PEAK1: variants seen among roughly 807,000 people sequenced by gnomAD.
The protein encoded by PEAK1 is pseudopodium enriched atypical kinase 1.
PEAK1 carries 54 observed loss-of-function variants against 124.7 expected under a neutral mutation model. That is an observed-to-expected ratio of 0.43 (90% CI 0.35 to 0.54). The LOEUF is 0.54. PEAK1 is among the 20% of genes least tolerant of loss of function. The probability of loss-of-function intolerance (pLI) is 0.01; values close to 1 mark genes in which losing one functional copy is unlikely to be tolerated. For synonymous variants in PEAK1, 719 were observed against 760.0 expected (o/e 0.95, Z 0.89); for missense variants, 2,046 against 2,134.5 (o/e 0.96, Z 0.82).
At chr15:77,371,207 T>G (rs1310983696) in intron 1 of PEAK1, 1 of 984,386 alleles carries the variant, frequency 1.0e-6, no homozygotes, top group Non-Finnish European at 1.2e-6. Context: ...TTTTATTCTA[T>G]GGATAGCAAC....
intron 2 of PEAK1, among the ~76,000 whole-genome samples, chr15:77,295,683 C>T (rs776933733): frequency 2.2e-4 from 33 of 152,314 alleles, no homozygotes; most frequent in South Asian, 1.0e-3. Flanking sequence ...CTGAAAAATT[C>T]CAAACAGTGG....
At chr15:77,231,464 A>C (rs534839583) in intron 6 of PEAK1, among the ~76,000 whole-genome samples, 1 of 152,332 alleles carries the variant, frequency 6.6e-6, no homozygotes, top group East Asian at 1.9e-4. Flanking sequence ...GGAAGTAGCT[A>C]AAATTAGACA....
intron 1 of PEAK1, among the ~76,000 whole-genome samples, chr15:77,396,493 A>C (rs1375265839): frequency 6.6e-6 from 1 of 152,124 alleles, no homozygotes; most frequent in African/African-American, 2.4e-5. Flanking sequence ...GGATTTAAAA[A>C]AAACCAACAA....
At chr15:77,308,855 T>C (rs1375425580) in intron 2 of PEAK1, among the ~76,000 whole-genome samples, 1 of 152,060 alleles carries the variant, frequency 6.6e-6, no homozygotes, top group Non-Finnish European at 1.5e-5. Flanking sequence ...ATTGAGATGC[T>C]GTGGATACTA....
intron 2 of PEAK1, among the ~76,000 whole-genome samples, chr15:77,362,969 C>T (rs2067993720): frequency 6.6e-6 from 1 of 152,106 alleles, no homozygotes; most frequent in Admixed American, 6.5e-5. Flanking sequence ...GATTCTCCTG[C>T]CTCAGCCTCC....
chr15:77,269,497 C>G (rs1416216050), intron 5 of PEAK1, among the ~76,000 whole-genome samples: 2 of 152,142 alleles, frequency 1.3e-5, no homozygotes, highest in Non-Finnish European at 2.9e-5. Flanking sequence ...GCACCTAACA[C>G]TGGAGCTCCC....
chr15:77,180,206 G>A lies in PEAK1; in HGVS notation c.1721C>T (p.Thr574Ile), dbSNP rs1469726505. 6.2e-7 allele frequency: 1 copy of A among 1,614,194 alleles called. No individual in the cohort carries two copies. The highest frequency in any genetic ancestry group is 1.1e-5 in the South Asian group (1 of 91,076). ...NCHKSAPTSP[T>I]ATNISSKTIP... ...GGTTTTGGAGGAAATGTTTGTAGCT[G>A]TGGGTGATGTAGGTGCTGATTTGTG... Residue 574 changes from threonine to isoleucine, a missense_variant, in exon 7 of 10, where the codon ACA becomes ATA. Thr to Ile is a moderately conservative substitution (Grantham distance 89, BLOSUM62 -1). Coordinates refer to ENST00000682557, the MANE Select transcript of PEAK1 (RefSeq NM_001385026.1).
At chr15:77,349,959 A>G in intron 2 of PEAK1, 2 of 985,022 alleles carry the variant, frequency 2.0e-6, no homozygotes, top group Non-Finnish European at 2.4e-6. Flanking sequence ...CATATTCCAA[A>G]TTCTTCCTTT....
rs2057067550 is a variant in PEAK1, at chr15:77,179,062, C to G, written c.2865G>C (p.Leu955=). ...GCAGCATGTGAATGACTGTGCCATC[C>G]AGGCCCACCAGTTTCCCTTTCTCTC... ...KEREKGKLVG[L]DGTVIHMLPP... is the part of the protein sequence containing the mutation. The change falls in exon 7 of 10, where the codon CTG becomes CTC. Residue 955 remains leucine, a synonymous_variant. Coordinates refer to ENST00000682557, the MANE Select transcript of PEAK1 (RefSeq NM_001385026.1). 6.2e-7 allele frequency: 1 copy of G among 1,614,062 alleles called. No individual in the cohort carries two copies. Among genetic ancestry groups the G allele is most frequent in the Non-Finnish European group, 8.5e-7 (1 of 1,180,040 alleles).
intron 2 of PEAK1, chr15:77,351,053 A>T: frequency 1.7e-6 from 1 of 577,034 alleles, no homozygotes; most frequent in Non-Finnish European, 2.2e-6. Flanking sequence ...CCCTGCCTTC[A>T]GAGGCAGAAG....
At chr15:77,171,633 G>A (rs138536643) in intron 7 of PEAK1, among the ~76,000 whole-genome samples, 42 of 152,258 alleles carry the variant, frequency 2.8e-4, no homozygotes, top group Non-Finnish European at 4.4e-5. Flanking sequence ...GATGACTATA[G>A]TTAACAGTAA....
chr15:77,189,046 C>T (rs2057694162), intron 6 of PEAK1, among the ~76,000 whole-genome samples: 1 of 151,876 alleles, frequency 6.6e-6, no homozygotes. Flanking sequence ...ACTAAAAATA[C>T]AAAAATTAGC....
intron 6 of PEAK1, among the ~76,000 whole-genome samples, chr15:77,214,658 T>C (rs1451106285): frequency 2.0e-5 from 3 of 151,404 alleles, no homozygotes; most frequent in Admixed American, 1.3e-4. Context: ...AGAGGTTTAA[T>C]TGGCTTATAG....
intron 5 of PEAK1, among the ~76,000 whole-genome samples, chr15:77,258,157 G>A (rs371679046): frequency 1.5e-4 from 23 of 152,068 alleles, no homozygotes; most frequent in East Asian, 1.2e-3. Context: ...GAAGTCAGGT[G>A]GCGTGATGCC....
intron 6 of PEAK1, among the ~76,000 whole-genome samples, chr15:77,210,953 G>A (rs2058876587): frequency 6.6e-6 from 1 of 152,174 alleles, no homozygotes; most frequent in East Asian, 1.9e-4. Flanking sequence ...TATTCAGCTA[G>A]TTTATGTCAG....
chr15:77,418,178 T>C, intron 1 of PEAK1: 3 of 985,316 alleles, frequency 3.0e-6, no homozygotes, highest in Non-Finnish European at 3.6e-6. Context: ...TGAGGTATCA[T>C]AATAGTTCAA....
At chr15:77,418,988 T>C in intron 1 of PEAK1, 1 of 985,232 alleles carries the variant, frequency 1.0e-6, no homozygotes, top group Non-Finnish European at 1.2e-6. Context: ...ATTCAACGTA[T>C]GATCTTACCA....
At chr15:77,347,793 ATC>A (rs1355397837) in intron 2 of PEAK1, 3 of 984,838 alleles carry the variant, frequency 3.0e-6, no homozygotes, top group Non-Finnish European at 2.4e-6. Context: ...TGTATAGATC[ATC>A]TGTTTTCCTT....
chr15:77,343,730 C>T (rs951317684), intron 2 of PEAK1, among the ~76,000 whole-genome samples: 1 of 152,146 alleles, frequency 6.6e-6, no homozygotes. Flanking sequence ...AACTGATCTG[C>T]CAGCCTTGGC....
Sources: gnomAD v4.1 joint callset for allele counts (sites outside exome capture counted in the v4.1 genomes callset) on GRCh38, gnomAD v4.1.1 for gene constraint, MANE v1.5 for transcripts, NCBI Gene and HGNC (gene_info 2026-07-23, HGNC 2026-07-21) for gene names.